PDS5B: variants seen among roughly 807,000 people sequenced by gnomAD.
PDS5B encodes PDS5 cohesin associated factor B, also known as sister chromatid cohesion protein PDS5 homolog B.
Under a neutral mutation model 184.1 loss-of-function variants are expected in PDS5B, and 51 were observed. The ratio of observed to expected loss-of-function variants is 0.28; its 90% confidence interval spans 0.22 to 0.35. PDS5B has a LOEUF of 0.35. Among genes scored for constraint, PDS5B ranks in the 10% least tolerant of loss-of-function variants. The pLI, the probability that PDS5B is intolerant of heterozygous loss-of-function variation, is 1.00. For missense variants in PDS5B, 1,180 were observed against 1,723.3 expected (o/e 0.68, Z 5.58); for synonymous variants, 566 against 569.2 (o/e 0.99, Z 0.08).
intron 1 of PDS5B, among the ~76,000 whole-genome samples, chr13:32,610,833 C>T (rs763222361): frequency 1.3e-5 from 2 of 152,050 alleles, no homozygotes; most frequent in African/African-American, 2.4e-5. Context: ...TGAATTAATA[C>T]GTATTAAGTG....
At chr13:32,671,821 AT>A (rs2140755020) in intron 7 of PDS5B, among the ~76,000 whole-genome samples, 1 of 152,322 alleles carries the variant, frequency 6.6e-6, no homozygotes, top group Admixed American at 6.5e-5. Context: ...CACAGAAGAG[AT>A]TAGGGCAGCT....
chr13:32,775,510 A>G lies in PDS5B; in HGVS notation c.*458A>G, dbSNP rs1954928509. The G allele has an allele frequency of 1.1e-5, 4 of 354,976 alleles. No individual in the cohort carries two copies. The highest frequency in any genetic ancestry group is 6.5e-5 in the African/African-American group (3 of 46,002). 22.0% of individuals were successfully genotyped at this position (354,976 alleles called of 1,614,324 possible). A position where few individuals can be genotyped will look rare whatever the true frequency, so the allele number is the denominator to read the frequency against. On this transcript the variant is annotated 3_prime_UTR_variant, in exon 35 of 35. Coordinates refer to ENST00000315596, the MANE Select transcript of PDS5B (RefSeq NM_015032.4). ...TTACTGTGAAAAAAAATTTGTTTTC[A>G]ACAATTGGTGTCATTTTCTTGATGT...
intron 3 of PDS5B, 108 bp from the exon 4 acceptor site, chr13:32,658,131 G>T: frequency 1.9e-6 from 1 of 532,450 alleles, no homozygotes; most frequent in East Asian, 3.3e-5. Context: ...GTTCTTTATA[G>T]TTTATTATGA....
At position 32,601,389 on chromosome 13, in the gene PDS5B, A is replaced by G. The variant is rs77086808; in HGVS notation, c.-20+14796A>G. Among the ~76,000 whole-genome samples, 1,343 of 152,322 alleles carry G rather than the reference A, an allele frequency of 8.8e-3. 18 individuals are homozygous for G. Among genetic ancestry groups the G allele is most frequent in the African/African-American group, 0.031 (1,268 of 41,568 alleles). Reference sequence around the variant, plus strand: ...TTGTTTTAGAATAAGATAGAAACTCAGTATTGTTTCAGTCACATACACTTG... The same window carrying G: ...TTGTTTTAGAATAAGATAGAAACTCGGTATTGTTTCAGTCACATACACTTG... On this transcript the variant is annotated intron_variant, in intron 1 of 34. Coordinates refer to ENST00000315596, the MANE Select transcript of PDS5B (RefSeq NM_015032.4).
intron 1 of PDS5B, among the ~76,000 whole-genome samples, chr13:32,638,873 G>A (rs767301801): frequency 6.6e-6 from 1 of 152,012 alleles, no homozygotes; most frequent in Non-Finnish European, 1.5e-5. Flanking sequence ...AATGTACATA[G>A]GCATGTAAAT....
intron 1 of PDS5B, among the ~76,000 whole-genome samples, chr13:32,628,828 C>G (rs1453733534): frequency 2.0e-5 from 3 of 151,946 alleles, no homozygotes; most frequent in Non-Finnish European, 4.4e-5. Flanking sequence ...AGATTTACCA[C>G]ACTTCATGTA....
chr13:32,635,768 T>C, intron 1 of PDS5B, among the ~76,000 whole-genome samples: 1 of 127,806 alleles, frequency 7.8e-6, no homozygotes, highest in South Asian at 2.4e-4. Flanking sequence ...TATTCTGATT[T>C]TTTTTTTTTT....
chr13:32,694,036 G>C (rs1951628937), intron 13 of PDS5B, among the ~76,000 whole-genome samples, 187 bp from the exon 14 acceptor site: 1 of 151,382 alleles, frequency 6.6e-6, no homozygotes, highest in African/African-American at 2.4e-5. Context: ...TATTTCTTTT[G>C]ATCTTGCTGT....
chr13:32,749,379 G>A (rs971346655), intron 24 of PDS5B, among the ~76,000 whole-genome samples: 3 of 152,168 alleles, frequency 2.0e-5, no homozygotes, highest in African/African-American at 7.2e-5. Context: ...TTTAGTACAT[G>A]TACTTTATTT....
intron 14 of PDS5B, 75 bp from the exon 15 acceptor site, chr13:32,696,779 C>T: frequency 1.0e-6 from 1 of 983,892 alleles, no homozygotes; most frequent in Non-Finnish European, 1.6e-6. Flanking sequence ...TTATGCTTGT[C>T]TAATTTTTTG....
chr13:32,701,596 GCACACACA>G (rs34184885), intron 17 of PDS5B, among the ~76,000 whole-genome samples, 158 bp downstream of exon 17: 13 of 142,146 alleles, frequency 9.1e-5, no homozygotes, highest in African/African-American at 3.4e-4. Context: ...ATTTGTATAT[GCACACACA>G]CACACACAGA....
chr13:32,671,617 A>C (rs1442620954), intron 7 of PDS5B, among the ~76,000 whole-genome samples: 1 of 152,214 alleles, frequency 6.6e-6, no homozygotes, highest in Non-Finnish European at 1.5e-5. Context: ...AAAAAGAAAG[A>C]ATAGCAAAAT....
chr13:32,600,142 A>G (rs1353262397), intron 1 of PDS5B, among the ~76,000 whole-genome samples: 1 of 152,186 alleles, frequency 6.6e-6, no homozygotes, highest in African/African-American at 2.4e-5. Context: ...TTTATCTGCC[A>G]AGATTCCCCA....
At chr13:32,735,808 A>G (rs1953310418) in intron 21 of PDS5B, among the ~76,000 whole-genome samples, 1 of 152,174 alleles carries the variant, frequency 6.6e-6, no homozygotes. Context: ...GCACTGTACT[A>G]GGTTCTCTGG....
rs538003195 is a variant in PDS5B, at chr13:32,652,216, G to A, written c.312+209G>A. On this transcript the variant is annotated intron_variant, in intron 3 of 34. Coordinates refer to ENST00000315596, the MANE Select transcript of PDS5B (RefSeq NM_015032.4). Reference sequence around the variant, plus strand: ...TGAGGTTAAGAAGTAGATTAATACAGTGTGTATTTTTTTTATATCATGTCA... The same window carrying A: ...TGAGGTTAAGAAGTAGATTAATACAATGTGTATTTTTTTTATATCATGTCA... 99 of 440,672 alleles carry A rather than the reference G, an allele frequency of 2.2e-4. 1 individual carries two copies. The South Asian group carries it at 4.0e-3, about 18-fold the overall frequency. The allele number at this position is 440,672 out of a possible 1,614,324, so 27.3% of individuals were successfully genotyped here.
Position 32,745,967 on chromosome 13 carries a change from C to T in PDS5B, c.2613-10C>T. On this transcript the variant is annotated splice_polypyrimidine_tract_variant and intron_variant, in intron 23 of 34. Coordinates refer to ENST00000315596, the MANE Select transcript of PDS5B (RefSeq NM_015032.4). ...AATGCTAATCTATATTCATTCTACTCATTTTTCAGTAAACCAGATATGTCA... is the reference window on the plus strand; with the variant it reads ...AATGCTAATCTATATTCATTCTACTTATTTTTCAGTAAACCAGATATGTCA... 1 of 1,602,778 alleles carries T rather than the reference C, an allele frequency of 6.2e-7. No homozygotes were observed. The highest frequency in any genetic ancestry group is 2.2e-5 in the East Asian group (1 of 44,790).
chr13:32,743,734 AT>A (rs1953647033), intron 23 of PDS5B, among the ~76,000 whole-genome samples: 1 of 152,150 alleles, frequency 6.6e-6, no homozygotes, highest in Admixed American at 6.6e-5. Flanking sequence ...AACAAAACAT[AT>A]AAAAAAAAAC....
intron 10 of PDS5B, among the ~76,000 whole-genome samples, chr13:32,679,542 A>G (rs1951172194): frequency 6.6e-6 from 1 of 152,124 alleles, no homozygotes; most frequent in Admixed American, 6.5e-5. Flanking sequence ...AGGCTGAGGC[A>G]GGAGAATTGC....
At position 32,757,939 on chromosome 13, in the gene PDS5B, C is replaced by T. The variant is rs1407613847; in HGVS notation, c.3057-148C>T. The T allele has an allele frequency of 1.0e-5, 4 of 395,036 alleles. No homozygotes were observed. In the East Asian group the frequency reaches 1.2e-4, roughly 12 times the overall value. 24.5% of individuals were successfully genotyped at this position (395,036 alleles called of 1,614,324 possible). On this transcript the variant is annotated intron_variant, in intron 26 of 34. Coordinates refer to ENST00000315596, the MANE Select transcript of PDS5B (RefSeq NM_015032.4). ...TGTTTGTATGACATATTCTTTTTCC[C>T]TGCTGGTTTGTAACTGTTTCTTTTT... is the stretch of plus-strand genomic sequence containing the variant.
Sources: allele counts gnomAD v4.1 joint callset (sites outside exome capture counted in the v4.1 genomes callset), GRCh38; gene constraint gnomAD v4.1.1; transcripts MANE v1.5; gene names NCBI Gene and HGNC (gene_info 2026-07-23, HGNC 2026-07-21).